Variants in FGF2 observed in about 807,000 individuals in gnomAD.
FGF2 encodes fibroblast growth factor 2, also known as basic fibroblast growth factor bFGF.
A neutral mutation model predicts 15.9 loss-of-function variants in FGF2; 13 were observed. The observed-to-expected ratio is 0.82, with a 90% CI of 0.53 to 1.30. FGF2 has a LOEUF of 1.30. FGF2 is among the 50% of genes most tolerant of loss of function. The probability of loss-of-function intolerance (pLI) is 0.00; values close to 1 mark genes in which losing one functional copy is unlikely to be tolerated. For missense variants in FGF2, 163 were observed against 196.9 expected, an observed-to-expected ratio of 0.83 and a Z score of 1.03; for synonymous variants, 90 against 78.4, an observed-to-expected ratio of 1.15 and a Z score of -0.78.
At position 122,893,616 on chromosome 4, in the gene FGF2, C is replaced by T. The variant is rs181591190; in HGVS notation, c.*1220C>T. The T allele has an allele frequency of 1.0e-3, 166 of 158,310 alleles. No homozygotes were observed. Among genetic ancestry groups the T allele is most frequent in the Admixed American group, 2.8e-3 (43 of 15,480 alleles). The allele number at this position is 158,310 out of a possible 1,614,324, so 9.8% of individuals were successfully genotyped here. ...GATAAGATTCCAAAGAACTTAGATT[C>T]ATTTCTTCAACACCGAAATGCTGGA... On this transcript the variant is annotated 3_prime_UTR_variant, in exon 3 of 3. Coordinates refer to ENST00000644866, the MANE Select transcript of FGF2 (RefSeq NM_001361665.2).
intron 2 of FGF2, among the ~76,000 whole-genome samples, chr4:122,877,850 G>A (rs766018504): frequency 6.6e-6 from 1 of 152,250 alleles, no homozygotes; most frequent in East Asian, 1.9e-4. Context: ...AGAGAAAAAG[G>A]GTATCTAAAC....
intron 1 of FGF2, among the ~76,000 whole-genome samples, chr4:122,855,815 A>T (rs951644696): frequency 5.9e-5 from 9 of 152,246 alleles, no homozygotes; most frequent in African/African-American, 7.2e-5. Flanking sequence ...ATTTTCAGCT[A>T]TCTGAGGAAC....
At chr4:122,867,969 C>T (rs780623588) in intron 1 of FGF2, among the ~76,000 whole-genome samples, 22 of 152,116 alleles carry the variant, frequency 1.4e-4, no homozygotes, top group Non-Finnish European at 2.9e-4. Context: ...GCATTTTACC[C>T]ATTTTTTCCA....
intron 1 of FGF2, among the ~76,000 whole-genome samples, chr4:122,853,743 T>C (rs1031593802): frequency 3.3e-5 from 5 of 152,250 alleles, no homozygotes; most frequent in African/African-American, 1.2e-4. Context: ...TATATACTAA[T>C]GCTGTGCTTG....
Position 122,827,456 on chromosome 4 carries a change from T to G in FGF2, c.178+104T>G. 2.3e-6 allele frequency: 3 copies of G among 1,319,000 alleles called. No individual in the cohort carries two copies. The highest frequency in any genetic ancestry group is 3.2e-6 in the Non-Finnish European group (3 of 931,910). 81.7% of individuals were successfully genotyped at this position (1,319,000 alleles called of 1,614,324 possible). A position where few individuals can be genotyped will look rare whatever the true frequency, so the allele number is the denominator to read the frequency against. ...TCCTCCCGGATCTTCACTGCGACCC[T>G]AGCGCTCCGTGTGGTTTCTGGCCGC... On this transcript the variant is annotated intron_variant, in intron 1 of 2. Transcript: ENST00000644866. The surrounding 1 kb of genome is among the most constrained non-coding windows in gnomAD (Gnocchi z 4.2).
chr4:122,864,834 T>G (rs1429872223), intron 1 of FGF2, among the ~76,000 whole-genome samples: 1 of 152,234 alleles, frequency 6.6e-6, no homozygotes, highest in East Asian at 1.9e-4. Context: ...TTATTTTCAG[T>G]TGTGTTTAAT....
chr4:122,886,430 A>AGTCAC (rs1727060755), intron 2 of FGF2, among the ~76,000 whole-genome samples: 1 of 152,192 alleles, frequency 6.6e-6, no homozygotes, highest in Admixed American at 6.5e-5. Context: ...TTTGGAAGGA[A>AGTCAC]GTCACCATGC....
intron 1 of FGF2, among the ~76,000 whole-genome samples, chr4:122,866,585 C>T (rs954394122): frequency 7.9e-5 from 12 of 152,154 alleles, no homozygotes; most frequent in African/African-American, 2.7e-4. Flanking sequence ...TGAAAAGATG[C>T]TCAACATTAT....
intron 1 of FGF2, among the ~76,000 whole-genome samples, chr4:122,851,394 C>T (rs1372207573): frequency 6.6e-6 from 1 of 152,072 alleles, no homozygotes; most frequent in Non-Finnish European, 1.5e-5. Flanking sequence ...CTGATAATAT[C>T]ATTAGAAGTA....
chr4:122,833,790 A>G (rs1325257819), intron 1 of FGF2, among the ~76,000 whole-genome samples: 2 of 152,214 alleles, frequency 1.3e-5, no homozygotes, highest in Admixed American at 1.3e-4. Context: ...GTGTTTAGAT[A>G]CTTGGTCAAT....
At chr4:122,865,672 A>G (rs1000301647) in intron 1 of FGF2, among the ~76,000 whole-genome samples, 2 of 152,190 alleles carry the variant, frequency 1.3e-5, no homozygotes, top group Non-Finnish European at 2.9e-5. Flanking sequence ...TTTCTACTTT[A>G]ATACATCATA....
At chr4:122,875,490 A>G (rs1726825698) in intron 1 of FGF2, among the ~76,000 whole-genome samples, 1 of 151,898 alleles carries the variant, frequency 6.6e-6, no homozygotes, top group Non-Finnish European at 1.5e-5. Flanking sequence ...ATTGAAGAGG[A>G]AGCTAGAAAT....
intron 1 of FGF2, among the ~76,000 whole-genome samples, chr4:122,844,073 C>G (rs1168977441): frequency 3.3e-5 from 5 of 152,182 alleles, no homozygotes; most frequent in Non-Finnish European, 7.4e-5. Context: ...TAGCATTTTA[C>G]CTACAGTAGA....
chr4:122,844,265 G>GTT (rs1256656703), intron 1 of FGF2, among the ~76,000 whole-genome samples: 1 of 152,160 alleles, frequency 6.6e-6, no homozygotes, highest in African/African-American at 2.4e-5. Flanking sequence ...CTCCTCATCT[G>GTT]TTTAAGTTTT....
At chr4:122,873,168 T>C (rs1726774104) in intron 1 of FGF2, among the ~76,000 whole-genome samples, 1 of 152,260 alleles carries the variant, frequency 6.6e-6, no homozygotes, top group Non-Finnish European at 1.5e-5. Context: ...GAGCTAACCT[T>C]GCTCTTGAAC....
intron 2 of FGF2, among the ~76,000 whole-genome samples, chr4:122,885,135 C>T (rs1180756997): frequency 6.6e-6 from 1 of 152,166 alleles, no homozygotes; most frequent in Non-Finnish European, 1.5e-5. Flanking sequence ...AAAGTTAAAC[C>T]ATATTCTGTA....
At chr4:122,826,744 G>A (rs1317077124), upstream of FGF2, 1 of 1,272,832 alleles carries the variant, frequency 7.9e-7, no homozygotes, top group Non-Finnish European at 1.0e-6. Flanking sequence ...GGGGCGGCGC[G>A]CAGGAGGGAG....
At chr4:122,863,986 A>G (rs1484141392) in intron 1 of FGF2, among the ~76,000 whole-genome samples, 1 of 148,104 alleles carries the variant, frequency 6.8e-6, no homozygotes, top group Non-Finnish European at 1.5e-5. Context: ...CAGGCCTGCA[A>G]CATTTTCAAG....
chr4:122,875,044 A>T (rs2150783395), intron 1 of FGF2, among the ~76,000 whole-genome samples: 1 of 152,270 alleles, frequency 6.6e-6, no homozygotes, highest in South Asian at 2.1e-4. Context: ...ATAAAGAGTT[A>T]ACTTGGTTTA....
Sources: gnomAD v4.1 joint callset for allele counts (sites outside exome capture counted in the v4.1 genomes callset) on GRCh38, gnomAD v4.1.1 for gene constraint, Gnocchi (gnomAD v3.1) non-coding constraint, MANE v1.5 for transcripts, NCBI Gene and HGNC (gene_info 2026-07-23, HGNC 2026-07-21) for gene names.